The following PSMC1 variants were observed in gnomAD, a reference collection of about 807,000 sequenced individuals.
The protein encoded by PSMC1 is proteasome 26S subunit, ATPase 1, also known as 26S proteasome regulatory subunit 4.
In PSMC1, 5 loss-of-function variants were observed where a neutral mutation model predicts 49.8. The observed-to-expected ratio is 0.10, with a 90% CI of 0.05 to 0.21. The LOEUF (loss-of-function observed/expected upper bound fraction) is 0.21. Ranked by LOEUF, PSMC1 falls within the 10% of genes least tolerant of loss-of-function variation. The pLI is 1.00. For missense variants in PSMC1, 181 were observed against 535.7 expected (o/e 0.34, Z 6.54); for synonymous variants, 155 against 192.1 (o/e 0.81, Z 1.60).
Position 90,274,822 on chromosome 14 carries a change from A to ACACACACACAC in PSMC1, c.*2416_*2426dup, listed in dbSNP as rs1449483178. The ACACACACACAC allele has an allele frequency of 1.7e-5, 2 of 116,404 alleles. No homozygotes were observed. Among genetic ancestry groups the ACACACACACAC allele is most frequent in the African/African-American group, 7.8e-5 (2 of 25,762 alleles). The allele number at this position is 116,404 out of a possible 1,614,324, so 7.2% of individuals were successfully genotyped here. On this transcript the variant is annotated 3_prime_UTR_variant, in exon 11 of 11. Transcript: ENST00000261303. The stretch of plus-strand genomic sequence containing the variant: ...CACACACACACACACACACACACAC[A>ACACACACACAC]CACACACACACACACACCCCAATAC...
Position 90,263,708 on chromosome 14 carries a change from T to C in PSMC1, c.326T>C (p.Val109Ala), listed in dbSNP as rs767996591. ...GATCTGAGGGGGACCCCGATGTCAG[T>C]AGGAACCTTGGAAGAGATCATTGAT... is the stretch of plus-strand genomic sequence containing the variant. ...VDDLRGTPMS[V>A]GTLEEIIDDN... Residue 109 changes from valine (V) to alanine (A), a missense_variant, in exon 5 of 11, where the codon GTA (valine) becomes GCA (alanine). Val to Ala is a moderately conservative substitution (Grantham distance 64). This residue lies in a region of PSMC1 where 121 missense variants were observed against 358.6 expected (regional missense o/e 0.34). Transcript: ENST00000261303. The C allele has an allele frequency of 6.8e-6, 11 of 1,613,684 alleles. No individual in the cohort carries two copies. The highest frequency in any genetic ancestry group is 3.3e-5 in the Admixed American group (2 of 60,014).
chr14:90,262,263 G>A lies in PSMC1; in HGVS notation c.155-1055G>A, dbSNP rs376997459. 5.5e-4 allele frequency among the ~76,000 whole-genome samples: 84 copies of A among 151,560 alleles called. No homozygotes were observed. In the South Asian group the frequency reaches 0.016, roughly 29 times the overall value. On this transcript the variant is annotated intron_variant, in intron 3 of 10. Transcript: ENST00000261303. ...GTATGCATATGTAACAAACCTGCAC[G>A]TCATGCACATGTACCCTAAAACTTA...
chr14:90,271,298 C>CAAAAGA (rs1432535832), intron 10 of PSMC1: 1 of 152,018 alleles, frequency 6.6e-6, no homozygotes, highest in Non-Finnish European at 1.5e-5. Context: ...AATTACTGGC[C>CAAAAGA]AAAAGAAAAA....
At chr14:90,261,135 G>A (rs1036441756) in intron 3 of PSMC1, among the ~76,000 whole-genome samples, 3 of 152,016 alleles carry the variant, frequency 2.0e-5, no homozygotes, top group African/African-American at 4.8e-5. Flanking sequence ...CTTGCTCATC[G>A]GTCACACTGC....
At position 90,272,186 on chromosome 14, in the gene PSMC1, G is replaced by A. The variant is rs1595047745; in HGVS notation, c.1189-87G>A. On this transcript the variant is annotated intron_variant, in intron 10 of 10. Coordinates refer to ENST00000261303, the MANE Select transcript of PSMC1 (RefSeq NM_002802.3). The surrounding 1 kb of genome is among the most constrained non-coding windows in gnomAD (Gnocchi z 4.5). ...TGGGATTACAGGTGTGAGCCACCGCGCCTGGCCTCAGAATAGGTTTTTTGG... is the reference window on the plus strand; with the variant it reads ...TGGGATTACAGGTGTGAGCCACCGCACCTGGCCTCAGAATAGGTTTTTTGG... 24 of 1,489,148 alleles carry A rather than the reference G, an allele frequency of 1.6e-5. No homozygotes were observed. The South Asian group carries it at 2.3e-4, about 14-fold the overall frequency. The allele number at this position is 1,489,148 out of a possible 1,614,324, so 92.2% of individuals were successfully genotyped here. A position where few individuals can be genotyped will look rare whatever the true frequency, so the allele number is the denominator to read the frequency against.
intron 2 of PSMC1, 51 bp downstream of exon 2, chr14:90,259,264 A>C (rs764913261): frequency 2.3e-5 from 36 of 1,572,104 alleles, no homozygotes; most frequent in Middle Eastern, 3.3e-4. Context: ...GGAAAATGTC[A>C]TGGGTCTCGG....
Position 90,275,423 on chromosome 14 carries a change from A to G in PSMC1, c.*3016A>G, listed in dbSNP as rs1394252339. ...AAGTTTGAGATTAAAAAAAACAAAA[A>G]ACCCCAGCACATCAGTATTGCCTTT... On this transcript the variant is annotated 3_prime_UTR_variant, in exon 11 of 11. Transcript: ENST00000261303. The G allele has an allele frequency of 2.0e-5, 3 of 151,978 alleles. No individual in the cohort carries two copies. The highest frequency in any genetic ancestry group is 4.8e-5 in the African/African-American group (2 of 41,374). The allele number at this position is 151,978 out of a possible 1,614,324, so 9.4% of individuals were successfully genotyped here.
intron 6 of PSMC1, 71 bp downstream of exon 6, chr14:90,264,240 G>T: frequency 6.3e-7 from 1 of 1,583,778 alleles, no homozygotes; most frequent in South Asian, 1.2e-5. Context: ...ATACTTTGCA[G>T]GTGTTTTGTA....
At chr14:90,262,890 G>A (rs1891428540) in intron 3 of PSMC1, among the ~76,000 whole-genome samples, 1 of 151,964 alleles carries the variant, frequency 6.6e-6, no homozygotes, top group Non-Finnish European at 1.5e-5. Flanking sequence ...GATAAGCAGG[G>A]TTAATATCCC....
At chr14:90,259,331 T>C in intron 2 of PSMC1, 118 bp downstream of exon 2, 5 of 892,858 alleles carry the variant, frequency 5.6e-6, no homozygotes, top group Non-Finnish European at 8.7e-6. Flanking sequence ...CCAGTAGTTT[T>C]TAAACTAGCC....
At chr14:90,270,149 A>G in intron 9 of PSMC1, 49 bp from the exon 10 acceptor site, 1 of 1,596,868 alleles carries the variant, frequency 6.3e-7, no homozygotes, top group Non-Finnish European at 8.6e-7. Flanking sequence ...GCCATGGCCG[A>G]GCCTGGGTTT....
chr14:90,260,285 C>T, intron 3 of PSMC1, 74 bp downstream of exon 3: 1 of 1,080,066 alleles, frequency 9.3e-7, no homozygotes, highest in Non-Finnish European at 1.4e-6. Context: ...AGCTTAGAGT[C>T]TGAAAGGGGT....
chr14:90,260,035 T>C, intron 2 of PSMC1, 80 bp from the exon 3 acceptor site: 1 of 831,530 alleles, frequency 1.2e-6, no homozygotes. Flanking sequence ...TGAAAATAGA[T>C]GATGGTGGTA....
In PSMC1 at chr14:90,263,802, C is replaced by T. The variant is rs1891451423; in HGVS notation, c.420C>T (p.Asp140=). 2 of 1,614,132 alleles carry T rather than the reference C, an allele frequency of 1.2e-6. No homozygotes were observed. The highest frequency in any genetic ancestry group is 1.1e-5 in the South Asian group (1 of 91,084). The change falls in exon 5 of 11, where the codon GAC becomes GAT. Residue 140 remains aspartate (D), a synonymous_variant. Coordinates refer to ENST00000261303, the MANE Select transcript of PSMC1 (RefSeq NM_002802.3). Reference sequence around the variant, plus strand: ...ACGTCAGCATTCTTTCATTTGTAGACAAGGATCTGCTGGAACCTGGCTGCT... The same window carrying T: ...ACGTCAGCATTCTTTCATTTGTAGATAAGGATCTGCTGGAACCTGGCTGCT... ...EHYVSILSFV[D]KDLLEPGCSV... is the part of the protein sequence containing the mutation.
intron 7 of PSMC1, among the ~76,000 whole-genome samples, chr14:90,265,866 GA>G (rs80221482): frequency 2.0e-4 from 29 of 147,580 alleles, no homozygotes; most frequent in Non-Finnish European, 3.4e-4. Context: ...CTGAAAAAAA[GA>G]AAAAAAAAAC....
chr14:90,269,248 T>A, intron 8 of PSMC1, 149 bp from the exon 9 acceptor site: 1 of 688,280 alleles, frequency 1.5e-6, no homozygotes, highest in Non-Finnish European at 2.4e-6. Context: ...GCTGAATTTA[T>A]TTTTTCCGAG....
chr14:90,264,210 T>C, intron 6 of PSMC1, 41 bp downstream of exon 6: 7 of 1,608,670 alleles, frequency 4.4e-6, no homozygotes, highest in Non-Finnish European at 5.9e-6. Flanking sequence ...TCAGTTTTGG[T>C]TTCTGTTGTC....
intron 7 of PSMC1, chr14:90,267,465 T>TC (rs1191197825): frequency 6.6e-6 from 1 of 152,288 alleles, no homozygotes; most frequent in Non-Finnish European, 1.5e-5. Flanking sequence ...AGCTGACTCT[T>TC]GTTTTTAACC....
At chr14:90,269,645 C>G (rs1248303239) in intron 9 of PSMC1, 97 bp downstream of exon 9, 1 of 1,329,182 alleles carries the variant, frequency 7.5e-7, no homozygotes, top group Non-Finnish European at 1.0e-6. Context: ...CATAAAAAAG[C>G]AAATACTGCA....
Sources: allele counts gnomAD v4.1 joint callset (sites outside exome capture counted in the v4.1 genomes callset), GRCh38; gene constraint gnomAD v4.1.1; regional missense constraint gnomAD v4.1.1; non-coding constraint Gnocchi (gnomAD v3.1); transcripts MANE v1.5; gene names NCBI Gene and HGNC (gene_info 2026-07-23, HGNC 2026-07-21).